The following COL16A1 variants were observed in gnomAD, a reference collection of about 807,000 sequenced individuals.
COL16A1 encodes collagen alpha-1(XVI) chain.
In COL16A1, 189 loss-of-function variants were observed where a neutral mutation model predicts 266.3. The ratio of observed to expected loss-of-function variants is 0.71; its 90% CI spans 0.63 to 0.80. The LOEUF (loss-of-function observed/expected upper bound fraction) is 0.80. Among genes scored for constraint, COL16A1 ranks in the 30% least tolerant of loss-of-function variants. The probability of loss-of-function intolerance (pLI) is 0.00; values close to 1 mark genes in which losing one functional copy is unlikely to be tolerated. For missense variants in COL16A1, 1,928 were observed against 2,122.4 expected, an observed-to-expected ratio of 0.91 and a Z score of 1.80; for synonymous variants, 740 against 782.3, an observed-to-expected ratio of 0.95 and a Z score of 0.90.
rs1215227136 is a variant in COL16A1, at chr1:31,657,712, G to A, written c.4021-644C>T. Among the ~76,000 whole-genome samples, 5 of 152,224 alleles carry A rather than the reference G, an allele frequency of 3.3e-5. No individual in the cohort carries two copies. The highest frequency in any genetic ancestry group is 7.3e-5 in the Non-Finnish European group (5 of 68,042). On this transcript the variant is annotated intron_variant, in intron 64 of 70. Transcript: ENST00000373672. The surrounding 1 kb of genome is among the most constrained non-coding windows in gnomAD (Gnocchi z 6.4). ...GCGTTGATGGAAAGCATCCTGATGG[G>A]TCCCAGGAGACCTGGGTCCCTGCCT...
At chr1:31,686,942 A>G (rs578184062) in intron 26 of COL16A1, among the ~76,000 whole-genome samples, 1 of 152,362 alleles carries the variant, frequency 6.6e-6, no homozygotes, top group East Asian at 1.9e-4. Flanking sequence ...AAACCCGAAG[A>G]GAAGGGGAAG....
chr1:31,683,758 CAGA>C lies in COL16A1; in HGVS notation c.2338-13_2338-11del. On this transcript the variant is annotated splice_polypyrimidine_tract_variant and intron_variant, in intron 33 of 70. Transcript: ENST00000373672. ...GAGGCCCTGGCTCTCCCTGAAGAGG[CAGA>C]AGGACAGTCCCTGGCTCGAGGTTCC... is the stretch of plus-strand genomic sequence containing the variant. The C allele has an allele frequency of 6.2e-7, 1 of 1,614,106 alleles. No homozygotes were observed.
Position 31,672,739 on chromosome 1 carries a change from G to A in COL16A1, c.2961C>T (p.Leu987=). 8 of 1,614,102 alleles carry A rather than the reference G, an allele frequency of 5.0e-6. No homozygotes were observed. Among genetic ancestry groups the A allele is most frequent in the Middle Eastern group, 1.6e-4 (1 of 6,062 alleles). Residue 987 remains leucine (L), a synonymous_variant, in exon 45 of 71, where the codon CTC becomes CTT. Coordinates refer to ENST00000373672, the MANE Select transcript of COL16A1 (RefSeq NM_001856.4). ...GDQGIPGVPG[L]DNCAQCFLSL... ...AGTCCCTTACCTGGGCGCAGTTGTCGAGGCCTGGCACACCAGGGATGCCCT... is the reference window on the plus strand; with the variant it reads ...AGTCCCTTACCTGGGCGCAGTTGTCAAGGCCTGGCACACCAGGGATGCCCT...
At position 31,698,042 on chromosome 1, in the gene COL16A1, C is replaced by T; in HGVS notation, c.521G>A (p.Ser174Asn). The change falls in exon 6 of 71, where the codon AGT becomes AAT. Residue 174 changes from serine to asparagine, a missense_variant. Around this residue, in one of 2 missense-constraint regions of COL16A1, gnomAD observed 1,552 missense variants for 1,637.2 expected, o/e 0.95. Coordinates refer to ENST00000373672, the MANE Select transcript of COL16A1 (RefSeq NM_001856.4). The surrounding 1 kb of genome is among the most constrained non-coding windows in gnomAD (Gnocchi z 4.1). ...CACAGAGGCCACACGTCCAGCCACACTCAGCATCAGCTTGTGCCAACGCAA... is the reference window on the plus strand; with the variant it reads ...CACAGAGGCCACACGTCCAGCCACATTCAGCATCAGCTTGTGCCAACGCAA... Reference protein sequence around the residue: ...FDLRWHKLMLSVAGRVASVHV... With the variant: ...FDLRWHKLMLNVAGRVASVHV... 1.9e-6 allele frequency: 3 copies of T among 1,613,946 alleles called. No homozygotes were observed. The highest frequency in any genetic ancestry group is 2.5e-6 in the Non-Finnish European group (3 of 1,180,054).
In COL16A1 at chr1:31,653,980, C is replaced by T. The variant is rs148785521; in HGVS notation, c.4421G>A (p.Arg1474Gln). 4.3e-6 allele frequency: 7 copies of T among 1,614,194 alleles called. No individual in the cohort carries two copies. Among genetic ancestry groups the T allele is most frequent in the Admixed American group, 1.7e-5 (1 of 60,024 alleles). The change falls in exon 69 of 71, where the codon CGA becomes CAA. Residue 1474 changes from arginine (R) to glutamine (Q), a missense_variant. Transcript: ENST00000373672. Reference sequence around the variant, plus strand: ...ACCATCCTTCCCTGGAGGCCCTGGTCGTCCCGGAGCTGCCGCCATCTCCAT... The same window carrying T: ...ACCATCCTTCCCTGGAGGCCCTGGTTGTCCCGGAGCTGCCGCCATCTCCAT... ...FPMEMAAAPGRPGPPGKDGAP... is the reference protein window; with the variant it reads ...FPMEMAAAPGQPGPPGKDGAP...
rs764305246 is a variant in COL16A1, at chr1:31,688,898, T to G, written c.1730A>C (p.Asp577Ala). Residue 577 changes from aspartate (D) to alanine (A), a missense_variant, in exon 25 of 71, where the codon GAT becomes GCT. Coordinates refer to ENST00000373672, the MANE Select transcript of COL16A1 (RefSeq NM_001856.4). The surrounding 1 kb of genome is among the most constrained non-coding windows in gnomAD (Gnocchi z 4.9). ...HLVSSTGASG[D>A]VGSPGFGLPG... ...CAGACCAAAGCCAGGGGAACCCACA[T>G]CTCCACTGGCCCCTGTGGAGGACAC... is the stretch of plus-strand genomic sequence containing the variant. 3 of 1,613,878 alleles carry G rather than the reference T, an allele frequency of 1.9e-6. No homozygotes were observed. The East Asian group carries it at 6.7e-5, about 36-fold the overall frequency.
intron 26 of COL16A1, among the ~76,000 whole-genome samples, chr1:31,687,273 T>C (rs983763696): frequency 1.3e-5 from 2 of 151,324 alleles, no homozygotes; most frequent in African/African-American, 4.9e-5. Flanking sequence ...TCCCAGCTAA[T>C]TGGGAGGCTG....
In COL16A1 at chr1:31,672,501, C is replaced by A. The variant is rs1032878118; in HGVS notation, c.3020G>T (p.Gly1007Val). 2 of 1,614,052 alleles carry A rather than the reference C, an allele frequency of 1.2e-6. No individual in the cohort carries two copies. The highest frequency in any genetic ancestry group is 2.7e-5 in the African/African-American group (2 of 74,932). ...LERPRAEEAR[G>V]DNSEGDPGCV... ...GCCAGGATCTCCCTCACTGTTGTCA[C>A]CCTGGAGAAGGATGGAGACGGTGAT... The change falls in exon 47 of 71, where the codon GGT becomes GTT. Residue 1007 changes from glycine (G) to valine (V), a missense_variant and splice_region_variant. Gly to Val is a moderately radical substitution (Grantham distance 109). This residue lies in a region of COL16A1 where 1,552 missense variants were observed against 1,637.2 expected (regional missense o/e 0.95). Coordinates refer to ENST00000373672, the MANE Select transcript of COL16A1 (RefSeq NM_001856.4).
chr1:31,667,222 A>T (rs1642214745), intron 52 of COL16A1, among the ~76,000 whole-genome samples: 1 of 152,154 alleles, frequency 6.6e-6, no homozygotes, highest in African/African-American at 2.4e-5. Context: ...CAGTGTCCTC[A>T]TCTGGTCACA....
chr1:31,653,552 G>T (rs773309803), intron 70 of COL16A1, 47 bp downstream of exon 70: 5 of 1,573,772 alleles, frequency 3.2e-6, no homozygotes, highest in Non-Finnish European at 4.3e-6. Flanking sequence ...AAGAAAAGGG[G>T]TCTCTGCTGC....
chr1:31,662,344 G>C lies in COL16A1; in HGVS notation c.3671C>G (p.Pro1224Arg). Residue 1224 changes from proline (P) to arginine (R), a missense_variant, in exon 58 of 71, where the codon CCT becomes CGT. Transcript: ENST00000373672. Reference protein sequence around the residue: ...LDGLDGKDGKPGLRGDPGPAG... With the variant: ...LDGLDGKDGKRGLRGDPGPAG... The stretch of plus-strand genomic sequence containing the variant: ...AGCCCATCATCTCACCCTCAAGCCA[G>C]GCTTGCCGTCCTTCCCATCCAAACC... 2 of 1,513,870 alleles carry C rather than the reference G, an allele frequency of 1.3e-6. No homozygotes were observed. Among genetic ancestry groups the C allele is most frequent in the Non-Finnish European group, 1.8e-6 (2 of 1,110,862 alleles). The allele number at this position is 1,513,870 out of a possible 1,614,324, so 93.8% of individuals were successfully genotyped here.
rs558610311 is a variant in COL16A1, at chr1:31,696,901, CA to C, written c.864+61del. On this transcript the variant is annotated intron_variant, in intron 8 of 70. Transcript: ENST00000373672. The stretch of plus-strand genomic sequence containing the variant: ...CCCTGGTGGCAGACGTCAGTCAGCT[CA>C]GGGGAGGGGTATCTCACTTGTGCCT... The C allele has an allele frequency of 6.7e-5, 108 of 1,605,394 alleles. No individual in the cohort carries two copies. The African/African-American group carries it at 1.3e-3, about 19-fold the overall frequency.
At chr1:31,665,341 G>T in intron 55 of COL16A1, 107 bp from the exon 56 acceptor site, 6 of 1,500,632 alleles carry the variant, frequency 4.0e-6, no homozygotes, top group Non-Finnish European at 5.4e-6. Context: ...AATTCATTTT[G>T]ACTTCCTAGA....
intron 10 of COL16A1, among the ~76,000 whole-genome samples, chr1:31,695,470 T>C (rs1206231618): frequency 1.5e-5 from 2 of 132,524 alleles, no homozygotes; most frequent in African/African-American, 2.8e-5. Flanking sequence ...TCACACAGCA[T>C]GCTGGGGCAG....
chr1:31,654,090 G>C (rs896408407), intron 68 of COL16A1, 47 bp from the exon 69 acceptor site: 1 of 1,572,070 alleles, frequency 6.4e-7, no homozygotes, highest in African/African-American at 1.4e-5. Flanking sequence ...GGTCCCCCAG[G>C]GACTCAGAAT....
At position 31,662,665 on chromosome 1, in the gene COL16A1, A is replaced by G. The variant is rs1249712789; in HGVS notation, c.3556-7T>C. ...CTCGAATCCCTTCGCTGCCCTGGAA[A>G]CCAGCGCCGCCCCCCCCCCCCGCCC... On this transcript the variant is annotated splice_region_variant and splice_polypyrimidine_tract_variant and intron_variant, in intron 56 of 70. Transcript: ENST00000373672. 22 of 1,486,450 alleles carry G rather than the reference A, an allele frequency of 1.5e-5. No individual in the cohort carries two copies. The highest frequency in any genetic ancestry group is 2.9e-5 in the African/African-American group (2 of 68,756). The allele number at this position is 1,486,450 out of a possible 1,614,324, so 92.1% of individuals were successfully genotyped here.
At chr1:31,674,486 C>A (rs1643009991) in intron 44 of COL16A1, among the ~76,000 whole-genome samples, 1 of 152,242 alleles carries the variant, frequency 6.6e-6, no homozygotes. Flanking sequence ...TGTACAGGCC[C>A]TGGCACAGGC....
rs534918628 is a variant in COL16A1, at chr1:31,668,895, G to C, written c.3196-40C>G. 1.9e-5 allele frequency: 30 copies of C among 1,590,246 alleles called. 1 individual carries two copies. In the South Asian group the frequency reaches 3.3e-4, roughly 17 times the overall value. ...TCATGAGAAACTGCAGGAGCCGGCG[G>C]TCCCCACCCAGCCCCTGACTCCTTC... is the stretch of plus-strand genomic sequence containing the variant. On this transcript the variant is annotated intron_variant, in intron 49 of 70. Coordinates refer to ENST00000373672, the MANE Select transcript of COL16A1 (RefSeq NM_001856.4). The surrounding 1 kb of genome is among the most constrained non-coding windows in gnomAD (Gnocchi z 5.8).
Position 31,685,606 on chromosome 1 carries a change from C to T in COL16A1, c.2016+33G>A, listed in dbSNP as rs747403770. 1.1e-5 allele frequency: 18 copies of T among 1,604,268 alleles called. No individual in the cohort carries two copies. The highest frequency in any genetic ancestry group is 1.7e-4 in the Middle Eastern group (1 of 6,020). ...TCTCCTTAGCCCCGCCTGCATCCCC[C>T]GTCCAGAGGCCCCTGCCTATATCCC... is the stretch of plus-strand genomic sequence containing the variant. On this transcript the variant is annotated intron_variant, in intron 29 of 70. Transcript: ENST00000373672. The surrounding 1 kb of genome is among the most constrained non-coding windows in gnomAD (Gnocchi z 4.0).
Sources: allele counts gnomAD v4.1 joint callset (sites outside exome capture counted in the v4.1 genomes callset), GRCh38; gene constraint gnomAD v4.1.1; regional missense constraint gnomAD v4.1.1; non-coding constraint Gnocchi (gnomAD v3.1); transcripts MANE v1.5; gene names NCBI Gene and HGNC (gene_info 2026-07-23, HGNC 2026-07-21).